The following TJP2 variants were observed in gnomAD, a reference collection of about 807,000 sequenced individuals.
TJP2 encodes the protein Friedreich ataxia region gene X104 (tight junction protein ZO-2).
A neutral mutation model predicts 133.1 loss-of-function variants in TJP2; 91 were observed. That is an observed-to-expected ratio of 0.68 (90% confidence interval 0.58 to 0.81). The LOEUF is 0.81. Ranked by LOEUF, TJP2 falls within the 40% of genes least tolerant of loss-of-function variation. The probability of loss-of-function intolerance (pLI) is 0.00; values close to 1 mark genes in which losing one functional copy is unlikely to be tolerated. For synonymous variants in TJP2, 592 were observed against 583.4 expected, an observed-to-expected ratio of 1.01 and a Z score of -0.21; for missense variants, 1,541 against 1,565.6, an observed-to-expected ratio of 0.98 and a Z score of 0.26.
In TJP2 at chr9:69,225,373, A is replaced by G. The variant is rs775003910; in HGVS notation, c.1022A>G (p.Asp341Gly). The G allele has an allele frequency of 2.5e-6, 4 of 1,613,864 alleles. No individual in the cohort carries two copies. Among genetic ancestry groups the G allele is most frequent in the East Asian group, 4.5e-5 (2 of 44,872 alleles). Residue 341 changes from aspartate (D) to glycine (G), a missense_variant, in exon 6 of 23, where the codon GAT becomes GGT. Asp to Gly is a moderately conservative substitution (Grantham distance 94). Coordinates refer to ENST00000377245, the MANE Select transcript of TJP2 (RefSeq NM_004817.4). ...EMTRTGLATKDGNLHEGDIIL... is the reference protein window; with the variant it reads ...EMTRTGLATKGGNLHEGDIIL... ...ACCCGAACGGGTCTGGCAACTAAAG[A>G]TGGCAACCTTCACGAAGGAGACATA...
At chr9:69,228,192 T>A in intron 9 of TJP2, 78 bp downstream of exon 9, 5 of 1,539,548 alleles carry the variant, frequency 3.2e-6, no homozygotes, top group Non-Finnish European at 3.5e-6. Flanking sequence ...AAGAGTGAAA[T>A]CATGTCCTTT....
intron 1 of TJP2, chr9:69,145,812 C>T: frequency 8.1e-7 from 1 of 1,231,972 alleles, no homozygotes; most frequent in Non-Finnish European, 1.0e-6. Context: ...CCTTTGGCAA[C>T]AACCTGGGTA....
At chr9:69,214,627 G>A (rs1030555799) in intron 2 of TJP2, among the ~76,000 whole-genome samples, 1 of 152,132 alleles carries the variant, frequency 6.6e-6, no homozygotes, top group Non-Finnish European at 1.5e-5. Flanking sequence ...CCCACACTTT[G>A]GGAGGCAGAG....
chr9:69,170,609 C>G (rs1824626935), upstream of TJP2, among the ~76,000 whole-genome samples: 2 of 152,180 alleles, frequency 1.3e-5, no homozygotes, highest in African/African-American at 2.4e-5. Context: ...AAGCTCTGGC[C>G]AAGATAAGCA....
At chr9:69,163,575 G>T (rs1824199180) in intron 2 of TJP2, among the ~76,000 whole-genome samples, 1 of 151,672 alleles carries the variant, frequency 6.6e-6, no homozygotes, top group Non-Finnish European at 1.5e-5. Flanking sequence ...GGCAATGGTT[G>T]CAGTGACCTG....
chr9:69,249,571 A>T, intron 20 of TJP2, 86 bp downstream of exon 20: 1 of 1,548,658 alleles, frequency 6.5e-7, no homozygotes, highest in South Asian at 1.2e-5. Context: ...GAGCATGCAC[A>T]CTGAGATGGT....
chr9:69,174,537 C>T (rs1177793758), intron 1 of TJP2, 105 bp downstream of exon 1: 17 of 1,302,518 alleles, frequency 1.3e-5, no homozygotes, highest in East Asian at 7.7e-5. Flanking sequence ...TTCCCCGATG[C>T]GCCGTAGGAA....
chr9:69,213,630 C>T (rs1438585808), intron 2 of TJP2, among the ~76,000 whole-genome samples: 1 of 152,202 alleles, frequency 6.6e-6, no homozygotes, highest in African/African-American at 2.4e-5. Flanking sequence ...GGGCCAGTGC[C>T]CAGGTACCCA....
intron 2 of TJP2, among the ~76,000 whole-genome samples, chr9:69,160,384 C>G (rs527517570): frequency 6.6e-6 from 1 of 152,214 alleles, no homozygotes; most frequent in Non-Finnish European, 1.5e-5. Flanking sequence ...TTTAACCTGG[C>G]CTTCAGATCC....
intron 10 of TJP2, among the ~76,000 whole-genome samples, chr9:69,229,810 C>A (rs1206185311): frequency 6.6e-6 from 1 of 152,084 alleles, no homozygotes; most frequent in Admixed American, 6.6e-5. Flanking sequence ...CTAACTCTGC[C>A]CTTTATTTGC....
In TJP2 at chr9:69,228,002, C is replaced by T; in HGVS notation, c.1341C>T (p.Ser447=). ...ERPSSREDTP[S]RLSRMGATPT... ...TCAGTTCCAGAGAGGACACGCCGAG[C>T]AGATTGTCCAGGATGGGTGCGACAC... Residue 447 remains serine (S), a synonymous_variant, in exon 9 of 23, where the codon AGC becomes AGT. Coordinates refer to ENST00000377245, the MANE Select transcript of TJP2 (RefSeq NM_004817.4). The T allele has an allele frequency of 6.2e-7, 1 of 1,614,168 alleles. No individual in the cohort carries two copies. The highest frequency in any genetic ancestry group is 1.1e-5 in the South Asian group (1 of 91,084).
intron 1 of TJP2, among the ~76,000 whole-genome samples, chr9:69,131,386 A>C (rs1822489195): frequency 6.6e-6 from 1 of 152,192 alleles, no homozygotes; most frequent in South Asian, 2.1e-4. Flanking sequence ...AAATCCAAGA[A>C]GGGCAGTGGC....
At chr9:69,185,615 A>G (rs1375641720) in intron 1 of TJP2, among the ~76,000 whole-genome samples, 1 of 152,206 alleles carries the variant, frequency 6.6e-6, no homozygotes, top group Non-Finnish European at 1.5e-5. Context: ...AATTTTATGG[A>G]ACCTAATGAG....
At chr9:69,239,546 C>T (rs573408991) in intron 16 of TJP2, among the ~76,000 whole-genome samples, 10 of 152,280 alleles carry the variant, frequency 6.6e-5, no homozygotes, top group Admixed American at 1.3e-4. Context: ...ATAGGTGGCT[C>T]ATGCCTGTAA....
intron 11 of TJP2, among the ~76,000 whole-genome samples, chr9:69,234,026 G>C (rs1466887237): frequency 6.6e-6 from 1 of 152,140 alleles, no homozygotes; most frequent in Admixed American, 6.5e-5. Context: ...GGGCCAGCAT[G>C]CTCAGTTGTC....
chr9:69,169,032 G>T (rs1030693468), intron 2 of TJP2, among the ~76,000 whole-genome samples: 1 of 151,910 alleles, frequency 6.6e-6, no homozygotes, highest in African/African-American at 2.4e-5. Flanking sequence ...ACCTGGAAGT[G>T]GGGGCGGGGA....
intron 9 of TJP2, among the ~76,000 whole-genome samples, chr9:69,228,937 T>C (rs1013648321): frequency 3.9e-5 from 6 of 152,188 alleles, no homozygotes; most frequent in Non-Finnish European, 7.3e-5. Context: ...TGTTAAAAAT[T>C]CTATGTTCTT....
intron 1 of TJP2, among the ~76,000 whole-genome samples, chr9:69,201,049 G>C (rs4375066): frequency 0.38 from 57,687 of 152,020 alleles, 11,204 homozygotes; most frequent in South Asian, 0.44. Context: ...GCCTCTTGGT[G>C]GGCTCTTGTA....
At chr9:69,251,988 ATTTTGTTTTG>A (rs543953689) in intron 21 of TJP2, among the ~76,000 whole-genome samples, 1,526 of 151,756 alleles carry the variant, frequency 0.01, 7 homozygotes, top group Non-Finnish European at 0.015. Context: ...TCTTTTATTT[ATTTTGTTTTG>A]TTTTGTTTTG....
Sources: allele counts gnomAD v4.1 joint callset (sites outside exome capture counted in the v4.1 genomes callset), GRCh38; gene constraint gnomAD v4.1.1; transcripts MANE v1.5; gene names NCBI Gene and HGNC (gene_info 2026-07-23, HGNC 2026-07-21).